DENND6A: variants seen among roughly 807,000 people sequenced by gnomAD.
DENND6A encodes the protein DENN domain containing 6A, also known as protein DENND6A.
Under a neutral mutation model 95.5 loss-of-function variants are expected in DENND6A, and 43 were observed. That is an observed-to-expected ratio of 0.45 (90% CI 0.35 to 0.58). DENND6A has a LOEUF of 0.58. DENND6A is among the 20% of genes least tolerant of loss of function. The pLI is 0.00. For missense variants in DENND6A, 574 were observed against 736.0 expected (o/e 0.78, Z 2.55); for synonymous variants, 257 against 260.4 (o/e 0.99, Z 0.13).
intron 12 of DENND6A, among the ~76,000 whole-genome samples, chr3:57,636,302 A>G (rs1313971942): frequency 6.6e-6 from 1 of 152,164 alleles, no homozygotes; most frequent in Admixed American, 6.5e-5. Context: ...ATTAGTCTAT[A>G]CTCCAAATGT....
intron 1 of DENND6A, among the ~76,000 whole-genome samples, chr3:57,676,417 C>T (rs2071710496): frequency 1.5e-5 from 2 of 130,362 alleles, no homozygotes; most frequent in South Asian, 5.7e-4. Flanking sequence ...CTTGCTGTTA[C>T]AAGATGTCTT....
At chr3:57,651,870 A>G (rs1468175095) in intron 9 of DENND6A, among the ~76,000 whole-genome samples, 1 of 152,118 alleles carries the variant, frequency 6.6e-6, no homozygotes, top group African/African-American at 2.4e-5. Context: ...GAATAAAACA[A>G]GAAATCAGAG....
At chr3:57,644,795 G>C (rs1575826959) in intron 11 of DENND6A, among the ~76,000 whole-genome samples, 2 of 26,274 alleles carry the variant, frequency 7.6e-5, no homozygotes, top group East Asian at 1.9e-3. Flanking sequence ...GGTGGGGAGG[G>C]GAGGGGTGGG....
At chr3:57,659,274 CA>C in intron 7 of DENND6A, 94 bp from the exon 8 acceptor site, 6 of 1,338,616 alleles carry the variant, frequency 4.5e-6, no homozygotes, top group Non-Finnish European at 5.3e-6. Flanking sequence ...TCAGTAATGC[CA>C]AAAAAGCTAC....
At chr3:57,662,528 A>ATAGAAACAT (rs2153415673) in intron 5 of DENND6A, among the ~76,000 whole-genome samples, 1 of 152,250 alleles carries the variant, frequency 6.6e-6, no homozygotes, top group South Asian at 2.1e-4. Context: ...AACAAAAAGA[A>ATAGAAACAT]TTGTACATTT....
In DENND6A at chr3:57,692,851, G is replaced by C. The variant is rs774385756; in HGVS notation, c.168C>G (p.Asp56Glu). The C allele has an allele frequency of 1.3e-6, 2 of 1,585,254 alleles. No homozygotes were observed. Among genetic ancestry groups the C allele is most frequent in the East Asian group, 2.4e-5 (1 of 41,520 alleles). ...CGCAGTGCAGCCAGGCGGAGAAGCT[G>C]TCCCAGCGCAGCAGGCCCCGGCCAC... ...DGRGRGLLRW[D>E]SFSAWLHCVC... Residue 56 changes from aspartate to glutamate, a missense_variant, in exon 1 of 20, where the codon GAC (aspartate) becomes GAG (glutamate). Coordinates refer to ENST00000311128, the MANE Select transcript of DENND6A (RefSeq NM_152678.3).
intron 3 of DENND6A, 33 bp from the exon 4 acceptor site, chr3:57,666,268 T>G: frequency 6.7e-7 from 1 of 1,498,646 alleles, no homozygotes; most frequent in Non-Finnish European, 9.2e-7. Context: ...AAATTAAGGA[T>G]AGCTTAGTAT....
At chr3:57,671,606 G>C (rs1392372992) in intron 3 of DENND6A, among the ~76,000 whole-genome samples, 1 of 151,768 alleles carries the variant, frequency 6.6e-6, no homozygotes, top group Non-Finnish European at 1.5e-5. Flanking sequence ...ACTGTGTGTG[G>C]CCTGAGAAGC....
intron 1 of DENND6A, among the ~76,000 whole-genome samples, chr3:57,690,558 C>G (rs2077254143): frequency 6.6e-6 from 1 of 151,878 alleles, no homozygotes; most frequent in African/African-American, 2.4e-5. Flanking sequence ...GTGACATGCA[C>G]CTGTAGTCCC....
rs1280237872 is a variant in DENND6A, at chr3:57,684,403, C to T, written c.237+8379G>A. Among the ~76,000 whole-genome samples, 3 of 152,118 alleles carry T rather than the reference C, an allele frequency of 2.0e-5. No homozygotes were observed. The East Asian group carries it at 5.8e-4, about 29-fold the overall frequency. On this transcript the variant is annotated intron_variant, in intron 1 of 19. Transcript: ENST00000311128. ...GCTGGAACTTGGGAATCAGAGGTTGCGGTGAGCTGAGATCGTGCCACTGCA... is the reference window on the plus strand; with the variant it reads ...GCTGGAACTTGGGAATCAGAGGTTGTGGTGAGCTGAGATCGTGCCACTGCA...
At chr3:57,680,678 A>G (rs1225375815) in intron 1 of DENND6A, among the ~76,000 whole-genome samples, 1 of 152,238 alleles carries the variant, frequency 6.6e-6, no homozygotes, top group Non-Finnish European at 1.5e-5. Context: ...AGTATATAAA[A>G]TACATAAAGA....
In DENND6A at chr3:57,630,466, C is replaced by T. The variant is rs1437582979; in HGVS notation, c.1575G>A (p.Met525Ile). ...GATGGAGTGCCTCCAATTTTTGGGT[C>T]ATTTCCTTCCTCCGGGTCTTAAACC... ...DGWFKTRRKE[M>I]TQKLEALHLE... is the part of the protein sequence containing the mutation. The change falls in exon 18 of 20, where the codon ATG (methionine) becomes ATA (isoleucine). Residue 525 changes from methionine to isoleucine, a missense_variant. Met to Ile is a conservative substitution (Grantham distance 10). Coordinates refer to ENST00000311128, the MANE Select transcript of DENND6A (RefSeq NM_152678.3). 1.9e-6 allele frequency: 3 copies of T among 1,595,840 alleles called. No individual in the cohort carries two copies. The African/African-American group carries it at 4.1e-5, about 22-fold the overall frequency.
intron 1 of DENND6A, among the ~76,000 whole-genome samples, chr3:57,684,825 T>C (rs1254518413): frequency 6.6e-6 from 1 of 152,048 alleles, no homozygotes; most frequent in East Asian, 1.9e-4. Flanking sequence ...TAAATGAGGC[T>C]GGGTACAATG....
intron 10 of DENND6A, 50 bp downstream of exon 10, chr3:57,646,266 A>G (rs1195976872): frequency 5.7e-6 from 9 of 1,577,594 alleles, no homozygotes; most frequent in Non-Finnish European, 4.3e-6. Context: ...CAGGTTAAGT[A>G]CTGCAGCATC....
In DENND6A at chr3:57,657,742, G is replaced by C. The variant is rs768514820; in HGVS notation, c.763-7C>G. 3 of 1,560,770 alleles carry C rather than the reference G, an allele frequency of 1.9e-6. No homozygotes were observed. The Admixed American group carries it at 5.6e-5, about 29-fold the overall frequency. On this transcript the variant is annotated splice_polypyrimidine_tract_variant and splice_region_variant and intron_variant, in intron 8 of 19. Coordinates refer to ENST00000311128, the MANE Select transcript of DENND6A (RefSeq NM_152678.3). ...CAGATATATTTGTGTCCACCTGAGA[G>C]ATAGAAAAGAAAAATAAAAGAAGGT...
rs375894672 is a variant in DENND6A at position 57,633,308 on chromosome 3, C to T, written c.1310G>A (p.Arg437Gln). The change falls in exon 15 of 20, where the codon CGA becomes CAA. Residue 437 changes from arginine to glutamine, a missense_variant. Arg to Gln is a conservative substitution (Grantham distance 43). This residue lies in a region of DENND6A where 452 missense variants were observed against 630.9 expected (regional missense o/e 0.72). Coordinates refer to ENST00000311128, the MANE Select transcript of DENND6A (RefSeq NM_152678.3). ...RPSEAQSVILRRYFLELTQSF... is the reference protein window; with the variant it reads ...RPSEAQSVILQRYFLELTQSF... ...TTGTGTCAGTTCCAAAAAATAGCGT[C>T]GAAGAATAACACTTTGAGCCTCAGA... The T allele has an allele frequency of 3.7e-6, 6 of 1,613,708 alleles. No individual in the cohort carries two copies. The highest frequency in any genetic ancestry group is 1.1e-5 in the South Asian group (1 of 91,012).
chr3:57,682,281 C>CAAAAAAAAAAA (rs10618015), intron 1 of DENND6A, among the ~76,000 whole-genome samples: 2 of 53,542 alleles, frequency 3.7e-5, no homozygotes, highest in African/African-American at 1.6e-4. Context: ...GACTCCGTCT[C>CAAAAAAAAAAA]AAAAAAAAAA....
chr3:57,644,851 C>T (rs2071043199), intron 11 of DENND6A, among the ~76,000 whole-genome samples: 1 of 137,138 alleles, frequency 7.3e-6, no homozygotes, highest in Non-Finnish European at 1.6e-5. Flanking sequence ...AAAAACAGGG[C>T]AATGATATGC....
At chr3:57,674,456 C>A (rs552774052) in intron 1 of DENND6A, among the ~76,000 whole-genome samples, 1 of 151,284 alleles carries the variant, frequency 6.6e-6, no homozygotes, top group East Asian at 2.0e-4. Context: ...CAAGGTAAAA[C>A]CCCATCTCTA....
Sources: allele counts gnomAD v4.1 joint callset (sites outside exome capture counted in the v4.1 genomes callset), GRCh38; gene constraint gnomAD v4.1.1; regional missense constraint gnomAD v4.1.1; transcripts MANE v1.5; gene names NCBI Gene and HGNC (gene_info 2026-07-23, HGNC 2026-07-21).